SCRN1: variants seen among roughly 807,000 people sequenced by gnomAD.
SCRN1 encodes the protein secernin 1, also known as secernin-1.
SCRN1 carries 19 observed loss-of-function variants against 43.3 expected under a neutral mutation model. The ratio of observed to expected loss-of-function variants is 0.44; its 90% CI spans 0.31 to 0.64. The LOEUF (loss-of-function observed/expected upper bound fraction) is 0.64. Ranked by LOEUF, SCRN1 falls within the 30% of genes least tolerant of loss-of-function variation. The pLI is 0.09. For synonymous variants in SCRN1, 183 were observed against 188.9 expected, an observed-to-expected ratio of 0.97 and a Z score of 0.26; for missense variants, 447 against 524.1, an observed-to-expected ratio of 0.85 and a Z score of 1.44.
intron 1 of SCRN1, among the ~76,000 whole-genome samples, chr7:29,982,850 T>C (rs1562825031): frequency 1.3e-5 from 2 of 151,848 alleles, no homozygotes; most frequent in Non-Finnish European, 2.9e-5. Context: ...CTCTTCATTT[T>C]TTTTTTTTGA....
Position 29,969,078 on chromosome 7 carries a change from G to T in SCRN1, c.-1-10C>A, listed in dbSNP as rs77985593. 2.5e-4 allele frequency: 395 copies of T among 1,609,946 alleles called. 2 individuals carry two copies. In the African/African-American group the frequency reaches 4.6e-3, roughly 19 times the overall value. On this transcript the variant is annotated splice_polypyrimidine_tract_variant and intron_variant, in intron 1 of 7. Coordinates refer to ENST00000242059, the MANE Select transcript of SCRN1 (RefSeq NM_014766.5). ...AGGAGCTGCAGCCATCCTGAAAAGA[G>T]AATGCCAGCAAGAGTGGAAGCAGGC...
At chr7:29,955,855 G>A (rs550545232) in intron 2 of SCRN1, among the ~76,000 whole-genome samples, 8 of 152,346 alleles carry the variant, frequency 5.3e-5, no homozygotes, top group African/African-American at 1.9e-4. Context: ...CTACATGGTT[G>A]CTCTAGTGGT....
chr7:29,947,083 G>C (rs2128091801), intron 3 of SCRN1: 2 of 1,316,238 alleles, frequency 1.5e-6, no homozygotes, highest in South Asian at 3.0e-5. Context: ...GGCAGGACCA[G>C]GACAGGGAAG....
chr7:29,947,424 A>G lies in SCRN1; in HGVS notation c.342-3245T>C, dbSNP rs1468490210. On this transcript the variant is annotated intron_variant, in intron 3 of 7. Transcript: ENST00000242059. ...CATCTGTGCCTCCATGGATTAGGAGATCCCTGTCCTTTTCTATCTCAAATC... is the reference window on the plus strand; with the variant it reads ...CATCTGTGCCTCCATGGATTAGGAGGTCCCTGTCCTTTTCTATCTCAAATC... 7 of 1,357,054 alleles carry G rather than the reference A, an allele frequency of 5.2e-6. No homozygotes were observed. The East Asian group carries it at 1.8e-4, about 34-fold the overall frequency. 84.1% of individuals were successfully genotyped at this position (1,357,054 alleles called of 1,614,324 possible).
At chr7:29,971,656 ATTTGGG>A (rs1457849616) in intron 1 of SCRN1, among the ~76,000 whole-genome samples, 1 of 150,864 alleles carries the variant, frequency 6.6e-6, no homozygotes, top group African/African-American at 2.4e-5. Flanking sequence ...AAAAAACTTT[ATTTGGG>A]TTTTGACTGT....
intron 3 of SCRN1, among the ~76,000 whole-genome samples, chr7:29,949,706 G>A (rs1211827116): frequency 6.6e-6 from 1 of 151,678 alleles, no homozygotes; most frequent in Admixed American, 6.6e-5. Context: ...ACAGGGTCTC[G>A]ATCTGTTACC....
chr7:29,960,729 C>T (rs1788279817), intron 2 of SCRN1, among the ~76,000 whole-genome samples: 1 of 152,128 alleles, frequency 6.6e-6, no homozygotes, highest in Non-Finnish European at 1.5e-5. Context: ...CACACACACA[C>T]ACATCCACAC....
At chr7:29,959,667 G>T (rs941998819) in intron 2 of SCRN1, among the ~76,000 whole-genome samples, 3 of 152,124 alleles carry the variant, frequency 2.0e-5, no homozygotes, top group African/African-American at 7.2e-5. Flanking sequence ...TTTAAATAAA[G>T]ACAAAAGAAG....
At chr7:29,953,061 T>G (rs954925324) in intron 3 of SCRN1, among the ~76,000 whole-genome samples, 1 of 152,216 alleles carries the variant, frequency 6.6e-6, no homozygotes, top group Non-Finnish European at 1.5e-5. Flanking sequence ...GCCTTGCAGC[T>G]TCAGGTCAAA....
chr7:29,937,728 A>G (rs926058095), intron 5 of SCRN1, among the ~76,000 whole-genome samples: 11 of 152,166 alleles, frequency 7.2e-5, no homozygotes, highest in African/African-American at 2.4e-4. Context: ...TGGATAAACA[A>G]ATCCTTGATT....
At chr7:29,938,937 A>G (rs1200172951) in intron 5 of SCRN1, among the ~76,000 whole-genome samples, 1 of 152,152 alleles carries the variant, frequency 6.6e-6, no homozygotes, top group Non-Finnish European at 1.5e-5. Context: ...CAATTATTAT[A>G]TTAAACAGCG....
chr7:29,953,026 A>T (rs1583672030), intron 3 of SCRN1, among the ~76,000 whole-genome samples: 1 of 152,220 alleles, frequency 6.6e-6, no homozygotes, highest in Non-Finnish European at 1.5e-5. Context: ...TGTGACAAAC[A>T]TATCTTCTGT....
intron 3 of SCRN1, among the ~76,000 whole-genome samples, chr7:29,949,032 T>G (rs1008587499): frequency 6.6e-6 from 1 of 152,130 alleles, no homozygotes; most frequent in South Asian, 2.1e-4. Context: ...AGTGGCACCC[T>G]AGGACAGGAG....
At chr7:29,940,591 T>C in intron 5 of SCRN1, 91 bp downstream of exon 5, 2 of 1,245,190 alleles carry the variant, frequency 1.6e-6, no homozygotes, top group Non-Finnish European at 2.2e-6. Context: ...TATTCCTTTT[T>C]GTTCACCCTT....
intron 3 of SCRN1, among the ~76,000 whole-genome samples, chr7:29,944,662 CAAA>C (rs397729276): frequency 1.9e-4 from 15 of 77,748 alleles, no homozygotes; most frequent in Admixed American, 4.5e-4. Context: ...GACCCTGTCT[CAAA>C]AAAAAAAAAA....
Position 29,940,825 on chromosome 7 carries a change from G to T in SCRN1, c.596C>A (p.Ala199Glu). The T allele has an allele frequency of 6.3e-7, 1 of 1,599,744 alleles. No individual in the cohort carries two copies. Among genetic ancestry groups the T allele is most frequent in the Non-Finnish European group, 8.5e-7 (1 of 1,175,946 alleles). ...GTAACTCCTGAGTTCCGGATGCTCT[G>T]CATCCATCTTAGTGGTGAGCGAAAG... is the stretch of plus-strand genomic sequence containing the variant. Reference protein sequence around the residue: ...SQLSLTTKMDAEHPELRSYAQ... With the variant: ...SQLSLTTKMDEEHPELRSYAQ... Residue 199 changes from alanine to glutamate, a missense_variant, in exon 5 of 8, where the codon GCA becomes GAA. Ala to Glu is a moderately radical substitution (Grantham distance 107). Transcript: ENST00000242059.
rs1053852926 is a variant in SCRN1, at chr7:29,921,602, G to C, written c.*2355C>G. On this transcript the variant is annotated 3_prime_UTR_variant, in exon 8 of 8. Coordinates refer to ENST00000242059, the MANE Select transcript of SCRN1 (RefSeq NM_014766.5). The stretch of plus-strand genomic sequence containing the variant: ...GCCACACCCCTTTTAACTTTTGCCA[G>C]GCTGTACCATGCCCTCTAGTGGTAG... 1 of 152,208 alleles carries C rather than the reference G, an allele frequency of 6.6e-6. No individual in the cohort carries two copies. Among genetic ancestry groups the C allele is most frequent in the Non-Finnish European group, 1.5e-5 (1 of 68,058 alleles). 9.4% of individuals were successfully genotyped at this position (152,208 alleles called of 1,614,324 possible). A position where few individuals can be genotyped will look rare whatever the true frequency, so the allele number is the denominator to read the frequency against.
At position 29,926,467 on chromosome 7, in the gene SCRN1, G is replaced by A. The variant is rs761833047; in HGVS notation, c.1071C>T (p.Ile357=). Residue 357 remains isoleucine (I), a synonymous_variant, in exon 7 of 8, where the codon ATC becomes ATT. Transcript: ENST00000242059. Reference sequence around the variant, plus strand: ...GCAAGCTCACCTGGTCACTTTCGATGATGGCACGTGCCCACTCGTGGGCTT... The same window carrying A: ...GCAAGCTCACCTGGTCACTTTCGATAATGGCACGTGCCCACTCGTGGGCTT... ...LYKAHEWARA[I]IESDQEQGRK... is the part of the protein sequence containing the mutation. 2 of 1,612,726 alleles carry A rather than the reference G, an allele frequency of 1.2e-6. No individual in the cohort carries two copies. The highest frequency in any genetic ancestry group is 1.3e-5 in the African/African-American group (1 of 74,926).
intron 2 of SCRN1, among the ~76,000 whole-genome samples, chr7:29,961,055 T>C (rs541185121): frequency 7.4e-6 from 1 of 134,322 alleles, no homozygotes; most frequent in Admixed American, 7.1e-5. Flanking sequence ...GAGGATCTTA[T>C]TTCTTTTTTT....
Sources: gnomAD v4.1 joint callset for allele counts (sites outside exome capture counted in the v4.1 genomes callset) on GRCh38, gnomAD v4.1.1 for gene constraint, MANE v1.5 for transcripts, NCBI Gene and HGNC (gene_info 2026-07-23, HGNC 2026-07-21) for gene names.